KATNIP: variants seen among roughly 807,000 people sequenced by gnomAD.
KATNIP encodes katanin interacting protein, also known as katanin-interacting protein.
Under a neutral mutation model 174.0 loss-of-function variants are expected in KATNIP, and 126 were observed. The observed-to-expected ratio is 0.72, with a 90% CI of 0.63 to 0.84. KATNIP has a LOEUF of 0.84. KATNIP is among the 40% of genes least tolerant of loss of function. The pLI, the probability that KATNIP is intolerant of heterozygous loss-of-function variation, is 0.00. For missense variants in KATNIP, 1,958 were observed against 2,109.7 expected, an observed-to-expected ratio of 0.93 and a Z score of 1.41; for synonymous variants, 810 against 835.7, an observed-to-expected ratio of 0.97 and a Z score of 0.53.
chr16:27,729,022 C>T (rs985475062), intron 14 of KATNIP, among the ~76,000 whole-genome samples: 1 of 152,210 alleles, frequency 6.6e-6, no homozygotes, highest in Non-Finnish European at 1.5e-5. Context: ...GTAGCTGAGC[C>T]TGTTGATTGG....
At chr16:27,593,616 C>T (rs1055933132) in intron 2 of KATNIP, among the ~76,000 whole-genome samples, 7 of 152,114 alleles carry the variant, frequency 4.6e-5, no homozygotes, top group Admixed American at 6.6e-5. Context: ...ACTGCAGCCT[C>T]GACCTCCCAG....
intron 8 of KATNIP, among the ~76,000 whole-genome samples, chr16:27,694,558 G>T (rs1457933853): frequency 6.6e-6 from 1 of 152,122 alleles, no homozygotes; most frequent in Non-Finnish European, 1.5e-5. Context: ...CACTTTGGGA[G>T]GCCGAGGTGG....
At chr16:27,559,235 T>C (rs1567434315) in intron 1 of KATNIP, among the ~76,000 whole-genome samples, 1 of 152,230 alleles carries the variant, frequency 6.6e-6, no homozygotes, top group Non-Finnish European at 1.5e-5. Flanking sequence ...ACAATTGCCC[T>C]ATGGATCATA....
Position 27,711,334 on chromosome 16 carries a change from T to C in KATNIP, c.1605+2414T>C, listed in dbSNP as rs189995546. ...TTAGTTGACTGTTTTGGCCTTTGTG[T>C]GAGTGGTCACTTCCATGGCATCCGA... On this transcript the variant is annotated intron_variant, in intron 13 of 27. Transcript: ENST00000261588. 2.0e-3 allele frequency among the ~76,000 whole-genome samples: 303 copies of C among 152,270 alleles called. 1 individual carries two copies. Among genetic ancestry groups the C allele is most frequent in the Non-Finnish European group, 3.1e-3 (214 of 68,014 alleles).
At chr16:27,618,578 G>A in intron 3 of KATNIP, 77 bp downstream of exon 3, 1 of 1,045,642 alleles carries the variant, frequency 9.6e-7, no homozygotes, top group South Asian at 1.3e-5. Context: ...CAGCAGGCAG[G>A]CCCTGCCTCA....
At chr16:27,737,662 G>A (rs967265473) in intron 14 of KATNIP, among the ~76,000 whole-genome samples, 18 of 152,180 alleles carry the variant, frequency 1.2e-4, no homozygotes, top group African/African-American at 4.3e-4. Context: ...AGCGAGGCAG[G>A]AGGAAAGCCA....
intron 2 of KATNIP, among the ~76,000 whole-genome samples, chr16:27,611,357 TA>T (rs2075883386): frequency 6.6e-6 from 1 of 152,328 alleles, no homozygotes; most frequent in South Asian, 2.1e-4. Context: ...CTGGGTGCCT[TA>T]AGTATTCATA....
At chr16:27,772,824 TAC>T (rs771813914) in intron 22 of KATNIP, among the ~76,000 whole-genome samples, 6 of 151,746 alleles carry the variant, frequency 4.0e-5, no homozygotes, top group Non-Finnish European at 5.9e-5. Context: ...GAATTCCTAA[TAC>T]ACACACACAC....
At chr16:27,620,361 G>T (rs985701273) in intron 3 of KATNIP, among the ~76,000 whole-genome samples, 2 of 152,130 alleles carry the variant, frequency 1.3e-5, no homozygotes, top group African/African-American at 2.4e-5. Flanking sequence ...CCATATGCCC[G>T]GCACCTCAAC....
At chr16:27,752,892 G>A (rs1010065339) in intron 17 of KATNIP, among the ~76,000 whole-genome samples, 1 of 152,172 alleles carries the variant, frequency 6.6e-6, no homozygotes, top group Non-Finnish European at 1.5e-5. Flanking sequence ...TGACCTTCAA[G>A]GTCAATTCAA....
rs2144299267 is a variant in KATNIP, at chr16:27,776,864, C to G, written c.4450-64C>G. 10 of 1,251,910 alleles carry G rather than the reference C, an allele frequency of 8.0e-6. No individual in the cohort carries two copies. Among genetic ancestry groups the G allele is most frequent in the Non-Finnish European group, 1.2e-5 (10 of 853,802 alleles). 77.6% of individuals were successfully genotyped at this position (1,251,910 alleles called of 1,614,324 possible). On this transcript the variant is annotated intron_variant, in intron 24 of 27. Coordinates refer to ENST00000261588, the MANE Select transcript of KATNIP (RefSeq NM_015202.5). This position sits in a 1 kb window ranked among gnomAD's most constrained non-coding sequence, Gnocchi z 4.7. Reference sequence around the variant, plus strand: ...TCACCCCAGCCCACGCCTGGCACCCCCAGCCCAGCCAAGCGCCTCTGTTTC... The same window carrying G: ...TCACCCCAGCCCACGCCTGGCACCCGCAGCCCAGCCAAGCGCCTCTGTTTC...
In KATNIP at chr16:27,708,705, GACAA is replaced by G. The variant is rs1311633657; in HGVS notation, c.1394_1397del (p.Lys465ArgfsTer3). The G allele has an allele frequency of 2.5e-6, 4 of 1,608,584 alleles. No individual in the cohort carries two copies. Among genetic ancestry groups the G allele is most frequent in the Non-Finnish European group, 3.4e-6 (4 of 1,176,094 alleles). On this transcript the variant is annotated frameshift_variant and splice_region_variant, in exon 13 of 28. Coordinates refer to ENST00000261588, the MANE Select transcript of KATNIP (RefSeq NM_015202.5). LOFTEE classifies it high-confidence loss of function. ...TGGTGTTATTTTTCTCTTCTTTAAGGACAAACAGAGAATGAGGGCAGACGAGATC... is the reference window on the plus strand; with the variant it reads ...TGGTGTTATTTTTCTCTTCTTTAAGGACAGAGAATGAGGGCAGACGAGATC...
At chr16:27,760,295 G>A (rs2081903540) in intron 18 of KATNIP, among the ~76,000 whole-genome samples, 1 of 152,216 alleles carries the variant, frequency 6.6e-6, no homozygotes, top group Non-Finnish European at 1.5e-5. Flanking sequence ...AAGGGCAGAA[G>A]GGTTTATTGT....
chr16:27,727,862 T>C (rs1294631703), intron 14 of KATNIP: 1 of 152,284 alleles, frequency 6.6e-6, no homozygotes, highest in African/African-American at 2.4e-5. Flanking sequence ...TCCTTCAGTA[T>C]ACATCTCTAA....
At chr16:27,640,033 C>CA (rs1225720638) in intron 5 of KATNIP, among the ~76,000 whole-genome samples, 1 of 152,110 alleles carries the variant, frequency 6.6e-6, no homozygotes, top group Non-Finnish European at 1.5e-5. Context: ...TTCTACTTGA[C>CA]AATAAGCTTT....
intron 3 of KATNIP, among the ~76,000 whole-genome samples, chr16:27,620,034 A>G (rs2076148876): frequency 6.6e-6 from 1 of 152,234 alleles, no homozygotes; most frequent in Admixed American, 6.5e-5. Context: ...AGAGGCTGTC[A>G]CAGTTCCTTA....
chr16:27,771,576 G>A lies in KATNIP; in HGVS notation c.4134-12G>A. ...GTGAGCTTCTTCATGGTGCTGTTTT[G>A]TGCTTTTTCAGGCTGGACATGAGAA... On this transcript the variant is annotated splice_polypyrimidine_tract_variant and intron_variant, in intron 21 of 27. Transcript: ENST00000261588. 2 of 1,612,270 alleles carry A rather than the reference G, an allele frequency of 1.2e-6. No homozygotes were observed. Among genetic ancestry groups the A allele is most frequent in the Non-Finnish European group, 1.7e-6 (2 of 1,178,964 alleles).
chr16:27,724,172 C>T (rs1158121804), intron 14 of KATNIP, among the ~76,000 whole-genome samples: 1 of 152,156 alleles, frequency 6.6e-6, no homozygotes, highest in Non-Finnish European at 1.5e-5. Flanking sequence ...GACCCTCAGA[C>T]CCCGGAATGC....
intron 2 of KATNIP, among the ~76,000 whole-genome samples, chr16:27,604,085 C>T (rs2075624542): frequency 6.6e-6 from 1 of 152,038 alleles, no homozygotes; most frequent in Non-Finnish European, 1.5e-5. Context: ...AGGTGACATA[C>T]AATATATTTT....
Sources: allele counts gnomAD v4.1 joint callset (sites outside exome capture counted in the v4.1 genomes callset), GRCh38; gene constraint gnomAD v4.1.1; non-coding constraint Gnocchi (gnomAD v3.1); transcripts MANE v1.5; gene names NCBI Gene and HGNC (gene_info 2026-07-23, HGNC 2026-07-21).